The following SNX29 variants were observed in gnomAD, a reference collection of about 807,000 sequenced individuals.
SNX29 encodes sorting nexin 29, also known as sorting nexin-29.
In SNX29, 78 loss-of-function variants were observed where a neutral mutation model predicts 102.1. The observed-to-expected ratio is 0.76, with a 90% CI of 0.64 to 0.92. The LOEUF is 0.92. Among genes scored for constraint, SNX29 ranks in the 40% least tolerant of loss-of-function variants. SNX29 has a pLI of 0.00. For synonymous variants in SNX29, 580 were observed against 414.5 expected, an observed-to-expected ratio of 1.40 and a Z score of -4.85; for missense variants, 1,280 against 1,061.7, an observed-to-expected ratio of 1.21 and a Z score of -2.86.
intron 20 of SNX29, chr16:12,560,752 T>G (rs967171487): frequency 5.8e-6 from 1 of 171,814 alleles, no homozygotes; most frequent in African/African-American, 2.4e-5. Flanking sequence ...TGCTCCTGAT[T>G]AGCCATAGGA....
chr16:12,012,465 G>A (rs1048014886), intron 3 of SNX29, among the ~76,000 whole-genome samples: 10 of 152,230 alleles, frequency 6.6e-5, no homozygotes, highest in Middle Eastern at 3.4e-3. Context: ...CTGGAGTACA[G>A]TGGTGCAGTC....
Position 12,564,934 on chromosome 16 carries a change from T to TAAA in SNX29, c.2319-3557_2319-3555dup, listed in dbSNP as rs6145751. Reference sequence around the variant, plus strand: ...CAGGGACTGGAGGGAACCTTGGTGTTAAAAAAAAAAAAAAAAAGGCTGTCA... The same window carrying TAAA: ...CAGGGACTGGAGGGAACCTTGGTGTTAAAAAAAAAAAAAAAAAAAAGGCTGTCA... On this transcript the variant is annotated intron_variant, in intron 20 of 20. Coordinates refer to ENST00000566228, the MANE Select transcript of SNX29 (RefSeq NM_032167.5). Among the ~76,000 whole-genome samples, 129 of 144,924 alleles carry TAAA rather than the reference T, an allele frequency of 8.9e-4. 1 individual carries two copies. Among genetic ancestry groups the TAAA allele is most frequent in the Middle Eastern group, 7.4e-3 (2 of 270 alleles).
At chr16:12,438,342 C>T (rs1021192786) in intron 18 of SNX29, among the ~76,000 whole-genome samples, 1 of 152,096 alleles carries the variant, frequency 6.6e-6, no homozygotes, top group Non-Finnish European at 1.5e-5. Context: ...GGGTTCAGCG[C>T]TCTCCCCTCT....
intron 6 of SNX29, among the ~76,000 whole-genome samples, chr16:12,048,047 G>A (rs998601267): frequency 1.3e-5 from 2 of 151,860 alleles, no homozygotes; most frequent in African/African-American, 4.8e-5. Flanking sequence ...CCTCCTCCCA[G>A]TTGACCTCTT....
chr16:12,453,604 C>G (rs2086402881), intron 18 of SNX29, among the ~76,000 whole-genome samples: 1 of 151,702 alleles, frequency 6.6e-6, no homozygotes. Context: ...TGGTCTTGAA[C>G]TCCTGGTCTC....
intron 13 of SNX29, among the ~76,000 whole-genome samples, chr16:12,170,633 A>C (rs1954100036): frequency 6.6e-6 from 1 of 151,936 alleles, no homozygotes; most frequent in Non-Finnish European, 1.5e-5. Context: ...CGGATTGGTT[A>C]CAGAGGGAGC....
intron 16 of SNX29, among the ~76,000 whole-genome samples, chr16:12,385,708 T>C (rs1388378293): frequency 1.3e-5 from 2 of 152,242 alleles, no homozygotes; most frequent in Non-Finnish European, 2.9e-5. Context: ...CACTTAGCTA[T>C]ATCGACAACT....
At chr16:12,423,244 G>A (rs990531670) in intron 18 of SNX29, among the ~76,000 whole-genome samples, 8 of 151,586 alleles carry the variant, frequency 5.3e-5, no homozygotes, top group Non-Finnish European at 7.4e-5. Context: ...TTCCCATGCC[G>A]CAGGCCCTGG....
At chr16:12,234,914 C>G (rs2077879455) in intron 14 of SNX29, among the ~76,000 whole-genome samples, 1 of 152,062 alleles carries the variant, frequency 6.6e-6, no homozygotes, top group Non-Finnish European at 1.5e-5. Context: ...ACACGTGGCT[C>G]TCATTCTTTG....
At chr16:12,373,442 T>C (rs1278188053) in intron 16 of SNX29, among the ~76,000 whole-genome samples, 1 of 152,190 alleles carries the variant, frequency 6.6e-6, no homozygotes, top group Non-Finnish European at 1.5e-5. Flanking sequence ...CATATCCTCA[T>C]CTTTAAATGG....
intron 18 of SNX29, among the ~76,000 whole-genome samples, chr16:12,408,924 T>C (rs958937915): frequency 3.3e-5 from 5 of 152,246 alleles, no homozygotes; most frequent in African/African-American, 9.6e-5. Flanking sequence ...TCTGGAATTA[T>C]ATTTGGCACA....
intron 1 of SNX29, among the ~76,000 whole-genome samples, chr16:11,981,307 G>A (rs1025032750): frequency 6.6e-6 from 1 of 151,538 alleles, no homozygotes; most frequent in Non-Finnish European, 1.5e-5. Context: ...GTTTTACCAT[G>A]CTGGCCAGCT....
At chr16:12,013,371 C>T (rs1012319935) in intron 3 of SNX29, among the ~76,000 whole-genome samples, 57 of 148,742 alleles carry the variant, frequency 3.8e-4, no homozygotes, top group African/African-American at 1.3e-3. Flanking sequence ...TGGCCAGGCA[C>T]GGTGGTTCAC....
At chr16:12,346,825 A>G (rs893349497) in intron 15 of SNX29, among the ~76,000 whole-genome samples, 1 of 151,998 alleles carries the variant, frequency 6.6e-6, no homozygotes, top group Non-Finnish European at 1.5e-5. Context: ...GGAGAGCATC[A>G]TTGTCTCCAG....
rs185685705 is a variant in SNX29, at chr16:12,356,147, C to T, written c.1783-16C>T. ...TGTCTGCCTCTAAGCCTCACCTTTC[C>T]GTGCTTGTGTTCCAGGTGGCAGAGA... On this transcript the variant is annotated splice_polypyrimidine_tract_variant and intron_variant, in intron 15 of 20. Transcript: ENST00000566228. 3.0e-5 allele frequency: 48 copies of T among 1,607,268 alleles called. No homozygotes were observed. The highest frequency in any genetic ancestry group is 1.7e-4 in the Admixed American group (10 of 59,494).
intron 15 of SNX29, among the ~76,000 whole-genome samples, chr16:12,339,415 T>C (rs1207623593): frequency 2.0e-5 from 3 of 146,984 alleles, no homozygotes; most frequent in Non-Finnish European, 4.4e-5. Context: ...AGTGAGTTTC[T>C]TGTGAGTGGA....
intron 11 of SNX29, chr16:12,087,689 C>T (rs1222654856): frequency 2.7e-6 from 1 of 364,152 alleles, no homozygotes; most frequent in African/African-American, 2.1e-5. Flanking sequence ...GGCTTTACAG[C>T]AACCCAGAAG....
intron 18 of SNX29, among the ~76,000 whole-genome samples, chr16:12,442,043 G>T (rs538872836): frequency 5.3e-5 from 8 of 152,156 alleles, no homozygotes; most frequent in Non-Finnish European, 1.2e-4. Flanking sequence ...GCCTCCCAAA[G>T]TGCTGGGATT....
At chr16:12,172,767 G>A (rs773375781) in intron 13 of SNX29, among the ~76,000 whole-genome samples, 4 of 152,104 alleles carry the variant, frequency 2.6e-5, no homozygotes, top group Non-Finnish European at 4.4e-5. Context: ...TCGATTTAAG[G>A]GACATGGGCA....
Sources: allele counts gnomAD v4.1 joint callset (sites outside exome capture counted in the v4.1 genomes callset), GRCh38; gene constraint gnomAD v4.1.1; transcripts MANE v1.5; gene names NCBI Gene and HGNC (gene_info 2026-07-23, HGNC 2026-07-21).